Variants in TANC2 observed in about 807,000 individuals in gnomAD.
TANC2 encodes the protein tetratricopeptide repeat, ankyrin repeat and coiled-coil containing 2.
Under a neutral mutation model 210.5 loss-of-function variants are expected in TANC2, and 26 were observed. The ratio of observed to expected loss-of-function variants is 0.12; its 90% confidence interval spans 0.09 to 0.17. The LOEUF is 0.17. TANC2 is among the 10% of genes least tolerant of loss of function. The pLI, the probability that TANC2 is intolerant of heterozygous loss-of-function variation, is 1.00. For synonymous variants in TANC2, 931 were observed against 967.1 expected, an observed-to-expected ratio of 0.96 and a Z score of 0.69; for missense variants, 2,129 against 2,608.9, an observed-to-expected ratio of 0.82 and a Z score of 4.01.
At position 63,342,771 on chromosome 17, in the gene TANC2, G is replaced by A. The variant is rs150148470; in HGVS notation, c.1807+2439G>A. Among the ~76,000 whole-genome samples, 1,155 of 151,886 alleles carry A rather than the reference G, an allele frequency of 7.6e-3. 15 individuals are homozygous for A. Among genetic ancestry groups the A allele is most frequent in the African/African-American group, 0.025 (1,049 of 41,440 alleles). ...AGCCTGGGCGACAGAGTGAGACTCCGTCTCAAAAAAAAAAGAAAAGAAGGC... is the reference window on the plus strand; with the variant it reads ...AGCCTGGGCGACAGAGTGAGACTCCATCTCAAAAAAAAAAGAAAAGAAGGC... On this transcript the variant is annotated intron_variant, in intron 12 of 27. Transcript: ENST00000689528.
At chr17:63,177,521 G>A (rs2040631855) in intron 5 of TANC2, among the ~76,000 whole-genome samples, 1 of 151,976 alleles carries the variant, frequency 6.6e-6, no homozygotes, top group South Asian at 2.1e-4. Flanking sequence ...TTAAGTTATG[G>A]TTGTATTTGA....
intron 15 of TANC2, among the ~76,000 whole-genome samples, chr17:63,383,286 T>A (rs189633689): frequency 1.3e-4 from 20 of 152,340 alleles, no homozygotes; most frequent in African/African-American, 4.8e-4. Flanking sequence ...AAATGCATAA[T>A]GTCATGTATC....
chr17:63,076,789 A>G (rs921534272), intron 3 of TANC2, among the ~76,000 whole-genome samples: 1 of 152,202 alleles, frequency 6.6e-6, no homozygotes, highest in Non-Finnish European at 1.5e-5. Context: ...AAATTCTGAT[A>G]GTAAAAACCA....
chr17:63,057,918 G>A lies in TANC2; in HGVS notation c.68-16025G>A, dbSNP rs1484447403. 2.6e-5 allele frequency among the ~76,000 whole-genome samples: 4 copies of A among 152,030 alleles called. 1 individual carries two copies. Among genetic ancestry groups the A allele is most frequent in the South Asian group, 4.1e-4 (2 of 4,822 alleles). On this transcript the variant is annotated intron_variant, in intron 2 of 27. Transcript: ENST00000689528. The stretch of plus-strand genomic sequence containing the variant: ...TACATGTGTATGTGTCCTTATGGTA[G>A]AACAGTTTTGTATTCTTTTGGGTAT...
At chr17:63,177,067 C>T (rs1262125402) in intron 5 of TANC2, among the ~76,000 whole-genome samples, 1 of 151,436 alleles carries the variant, frequency 6.6e-6, no homozygotes, top group Non-Finnish European at 1.5e-5. Flanking sequence ...AGTTTGAGAC[C>T]AGTCTGGCCA....
intron 5 of TANC2, among the ~76,000 whole-genome samples, chr17:63,184,236 C>A (rs2040895698): frequency 1.3e-5 from 2 of 151,916 alleles, no homozygotes; most frequent in Non-Finnish European, 2.9e-5. Context: ...TATTTAGTAT[C>A]CCTCATCTGA....
intron 2 of TANC2, among the ~76,000 whole-genome samples, chr17:63,040,150 G>T (rs16946732): frequency 0.082 from 12,499 of 152,166 alleles, 786 homozygotes; most frequent in African/African-American, 0.18. Context: ...ATTGATGACT[G>T]TAATGCAGTG....
intron 2 of TANC2, among the ~76,000 whole-genome samples, chr17:63,037,021 C>T (rs572570001): frequency 5.3e-5 from 8 of 151,800 alleles, no homozygotes; most frequent in South Asian, 4.2e-4. Flanking sequence ...TTATAAATTA[C>T]GCATAGTAAG....
chr17:63,237,251 G>T (rs1432641363), intron 7 of TANC2, among the ~76,000 whole-genome samples: 1 of 151,760 alleles, frequency 6.6e-6, no homozygotes, highest in Non-Finnish European at 1.5e-5. Flanking sequence ...TCATGTACAT[G>T]GCCATTTGTA....
chr17:63,420,379 T>C lies in TANC2; in HGVS notation c.4649T>C (p.Phe1550Ser). Residue 1550 changes from phenylalanine to serine, a missense_variant, in exon 28 of 28, where the codon TTT becomes TCT. Around this residue, in one of 5 missense-constraint regions of TANC2, gnomAD observed 584 missense variants for 627.3 expected, o/e 0.93. Coordinates refer to ENST00000689528, the Ensembl canonical transcript of TANC2. This position sits in a 1 kb window ranked among gnomAD's most constrained non-coding sequence, Gnocchi z 4.2. Reference sequence around the variant, plus strand: ...TCACCTCTTGGCTCTCATCAGGTTTTTGACTTCCGGTCCAGTAGTTCTGTA... The same window carrying C: ...TCACCTCTTGGCTCTCATCAGGTTTCTGACTTCCGGTCCAGTAGTTCTGTA... 1.9e-6 allele frequency: 3 copies of C among 1,613,964 alleles called. No individual in the cohort carries two copies. The highest frequency in any genetic ancestry group is 1.7e-6 in the Non-Finnish European group (2 of 1,179,882).
chr17:63,294,749 A>T (rs1399461445), intron 9 of TANC2, among the ~76,000 whole-genome samples: 1 of 152,168 alleles, frequency 6.6e-6, no homozygotes, highest in African/African-American at 2.4e-5. Flanking sequence ...AGGTATTAGT[A>T]TACTTTACTG....
intron 15 of TANC2, among the ~76,000 whole-genome samples, chr17:63,384,743 C>T (rs1031668691): frequency 1.3e-5 from 2 of 152,030 alleles, no homozygotes; most frequent in Non-Finnish European, 2.9e-5. Flanking sequence ...TAGTTGAATT[C>T]ATAAGTGTGA....
intron 11 of TANC2, among the ~76,000 whole-genome samples, chr17:63,321,998 G>A (rs536655193): frequency 1.3e-5 from 2 of 152,132 alleles, no homozygotes; most frequent in East Asian, 3.9e-4. Flanking sequence ...ATATTGTAAG[G>A]TTCAAATTTT....
chr17:63,292,692 G>A (rs1467242379), intron 9 of TANC2, among the ~76,000 whole-genome samples: 1 of 152,196 alleles, frequency 6.6e-6, no homozygotes, highest in Non-Finnish European at 1.5e-5. Context: ...ATAAGTGTGT[G>A]TGGGATGGGG....
chr17:63,218,825 CAG>C (rs1466070638), intron 7 of TANC2, among the ~76,000 whole-genome samples: 1 of 151,894 alleles, frequency 6.6e-6, no homozygotes, highest in African/African-American at 2.4e-5. Flanking sequence ...ACCCAGGAGA[CAG>C]AGGTTTCAGT....
chr17:63,355,491 C>G, intron 14 of TANC2, 101 bp downstream of exon 14: 1 of 1,266,508 alleles, frequency 7.9e-7, no homozygotes, highest in South Asian at 1.6e-5. Flanking sequence ...GAACATTTCA[C>G]ATAGAAGAGA....
At chr17:63,327,336 T>C (rs2045682460) in intron 11 of TANC2, among the ~76,000 whole-genome samples, 1 of 152,144 alleles carries the variant, frequency 6.6e-6, no homozygotes, top group Non-Finnish European at 1.5e-5. Flanking sequence ...AAACTAAAAA[T>C]AGAGCTATCA....
chr17:63,132,597 G>C (rs768300102), intron 4 of TANC2, among the ~76,000 whole-genome samples: 10 of 152,068 alleles, frequency 6.6e-5, no homozygotes, highest in Non-Finnish European at 1.5e-4. Context: ...TACCCTGTTT[G>C]TCTCAGGAAT....
intron 2 of TANC2, among the ~76,000 whole-genome samples, chr17:63,048,083 A>G (rs999017606): frequency 9.2e-5 from 14 of 152,116 alleles, no homozygotes; most frequent in Non-Finnish European, 2.1e-4. Context: ...TATAGGTAGG[A>G]CACCTCTTGA....
Sources: allele counts gnomAD v4.1 joint callset (sites outside exome capture counted in the v4.1 genomes callset), GRCh38; gene constraint gnomAD v4.1.1; regional missense constraint gnomAD v4.1.1; non-coding constraint Gnocchi (gnomAD v3.1); transcripts MANE v1.5; gene names NCBI Gene and HGNC (gene_info 2026-07-23, HGNC 2026-07-21).